Variants in AMOT observed in about 807,000 individuals in gnomAD.
The protein encoded by AMOT is angiomotin.
In AMOT, 11 loss-of-function variants were observed where a neutral mutation model predicts 67.0. That is an observed-to-expected ratio of 0.16 (90% CI 0.10 to 0.27). AMOT has a LOEUF of 0.27. AMOT is among the 10% of genes least tolerant of loss of function. The pLI is 1.00. For missense variants in AMOT, 753 were observed against 852.0 expected, an observed-to-expected ratio of 0.88 and a Z score of 1.45; for synonymous variants, 326 against 321.4, an observed-to-expected ratio of 1.01 and a Z score of -0.15.
At chrX:112,824,021 C>A (rs1934779326) in intron 3 of AMOT, among the ~76,000 whole-genome samples, 1 of 112,139 alleles carries the variant, frequency 8.9e-6, no homozygotes, top group Admixed American at 9.4e-5. Flanking sequence ...AGCATATCCC[C>A]TCCCTCACCA....
chrX:112,803,567 G>A (rs958448748), intron 8 of AMOT, among the ~76,000 whole-genome samples: 2 of 112,106 alleles, frequency 1.8e-5, no homozygotes, highest in African/African-American at 6.5e-5. Flanking sequence ...ATACTACCTG[G>A]AGTTGATATT....
intron 7 of AMOT, among the ~76,000 whole-genome samples, chrX:112,805,932 T>C (rs1934166240): frequency 1.8e-5 from 2 of 111,755 alleles, no homozygotes; most frequent in Non-Finnish European, 3.8e-5. Flanking sequence ...TTTCTCCCTT[T>C]AAGCCTATTA....
rs962615622 is a variant in AMOT, at chrX:112,810,149, C to T, written c.1538-163G>A. Reference sequence around the variant, plus strand: ...TGCAAATGTGAATCCCAAAATAATACTAGACCATGGCCGGGGAGGAGGAGG... The same window carrying T: ...TGCAAATGTGAATCCCAAAATAATATTAGACCATGGCCGGGGAGGAGGAGG... On this transcript the variant is annotated intron_variant, in intron 6 of 13. Transcript: ENST00000371959. Among the ~76,000 whole-genome samples the T allele has an allele frequency of 2.7e-5, 3 of 111,805 alleles. No individual in the cohort carries two copies. The Admixed American group carries it at 2.8e-4, about 11-fold the overall frequency.
chrX:112,822,612 C>T lies in AMOT; in HGVS notation c.515G>A (p.Arg172His). ...CTGCATTAGTCGTTCACTCAAGGAA[C>T]GGACATGCCCTTGCTTAAGGTCTCT... ...GLRDLKQGHV[R>H]SLSERLMQMS... Residue 172 changes from arginine to histidine, a missense_variant, in exon 4 of 14, where the codon CGT (arginine) becomes CAT (histidine). Coordinates refer to ENST00000371959, the MANE Select transcript of AMOT (RefSeq NM_001113490.2). 8.6e-7 allele frequency: 1 copy of T among 1,167,266 alleles called. No homozygotes were observed. The highest frequency in any genetic ancestry group is 1.1e-6 in the Non-Finnish European group (1 of 873,005).
At chrX:112,832,256 A>C (rs755145453) in intron 2 of AMOT, 38 bp downstream of exon 2, 13 of 111,928 alleles carry the variant, frequency 1.2e-4, no homozygotes, top group Non-Finnish European at 2.4e-4. Flanking sequence ...AAAACAAAGA[A>C]AGACATGGAA....
chrX:112,804,888 G>A, intron 8 of AMOT, 59 bp downstream of exon 8: 1 of 1,176,503 alleles, frequency 8.5e-7, no homozygotes, highest in Non-Finnish European at 1.2e-6. Context: ...GGAGCCCAGT[G>A]TCCCCGATTT....
intron 8 of AMOT, among the ~76,000 whole-genome samples, chrX:112,799,896 T>C (rs956114336): frequency 2.7e-5 from 3 of 111,798 alleles, no homozygotes; most frequent in African/African-American, 9.8e-5. Context: ...GGGGTAGACA[T>C]AATTTCTTTC....
At chrX:112,796,167 C>T (rs922515025) in intron 8 of AMOT, among the ~76,000 whole-genome samples, 4 of 111,737 alleles carry the variant, frequency 3.6e-5, no homozygotes, top group Admixed American at 9.5e-5. Context: ...CTCAGCCAAA[C>T]GGGGTCCTAA....
intron 10 of AMOT, among the ~76,000 whole-genome samples, chrX:112,783,167 C>T (rs1192362911): frequency 5.5e-5 from 6 of 109,051 alleles, no homozygotes; most frequent in African/African-American, 1.0e-4. Flanking sequence ...TGGTGGTGCA[C>T]GCCTGTAATC....
At chrX:112,805,336 G>A (rs1602787619) in intron 7 of AMOT, among the ~76,000 whole-genome samples, 1 of 104,870 alleles carries the variant, frequency 9.5e-6, no homozygotes, top group African/African-American at 3.5e-5. Flanking sequence ...TAGTTGTAAC[G>A]TGTTCCAAAA....
At chrX:112,837,608 G>A (rs890898861) in intron 1 of AMOT, among the ~76,000 whole-genome samples, 5 of 110,383 alleles carry the variant, frequency 4.5e-5, no homozygotes, top group Non-Finnish European at 7.6e-5. Context: ...CCATGGAGGA[G>A]AGTAATGCAG....
In AMOT at chrX:112,777,637, C is replaced by T. The variant is rs1011102575; in HGVS notation, c.*930G>A. On this transcript the variant is annotated 3_prime_UTR_variant, in exon 14 of 14. Coordinates refer to ENST00000371959, the MANE Select transcript of AMOT (RefSeq NM_001113490.2). ...TGGCAATTTGAGACTGGAGACCCAG[C>T]CAGTGAATCTGTGCTGTAGAAGAAA... is the stretch of plus-strand genomic sequence containing the variant. 2.7e-5 allele frequency: 3 copies of T among 111,957 alleles called. No individual in the cohort carries two copies. The highest frequency in any genetic ancestry group is 9.7e-5 in the African/African-American group (3 of 30,785). 9.2% of individuals were successfully genotyped at this position (111,957 alleles called of 1,213,427 possible). A position where few individuals can be genotyped will look rare whatever the true frequency, so the allele number is the denominator to read the frequency against.
intron 9 of AMOT, 130 bp from the exon 10 acceptor site, chrX:112,790,912 G>C: frequency 1.7e-6 from 1 of 598,295 alleles, no homozygotes; most frequent in Non-Finnish European, 2.3e-6. Context: ...GAAGCAGGGG[G>C]AATTCAGATC....
In AMOT at chrX:112,790,790, G is replaced by T. The variant is rs758783288; in HGVS notation, c.1927-8C>A. ...CTGACAGTTGCCCTGACGCTGTTGG[G>T]GCAGATGCAGAGAACCCTCAAGTTA... On this transcript the variant is annotated splice_region_variant and splice_polypyrimidine_tract_variant and intron_variant, in intron 9 of 13. Coordinates refer to ENST00000371959, the MANE Select transcript of AMOT (RefSeq NM_001113490.2). 2.6e-6 allele frequency: 3 copies of T among 1,158,873 alleles called. No homozygotes were observed. In the East Asian group the frequency reaches 9.3e-5, roughly 36 times the overall value.
chrX:112,816,199 A>G (rs1310264082), intron 4 of AMOT, among the ~76,000 whole-genome samples: 1 of 111,827 alleles, frequency 8.9e-6, no homozygotes, highest in Non-Finnish European at 1.9e-5. Flanking sequence ...GCTCAAGTCT[A>G]AACATTTCAA....
At chrX:112,820,498 C>T (rs1934685916) in intron 4 of AMOT, among the ~76,000 whole-genome samples, 1 of 111,597 alleles carries the variant, frequency 9.0e-6, no homozygotes, top group African/African-American at 3.3e-5. Context: ...GCTTCAAACA[C>T]TGTGGGAGTC....
intron 1 of AMOT, among the ~76,000 whole-genome samples, chrX:112,838,141 A>T (rs962342794): frequency 2.7e-5 from 3 of 111,426 alleles, no homozygotes; most frequent in Admixed American, 9.6e-5. Flanking sequence ...ATTCCTCCTC[A>T]TTGGTAACAA....
intron 9 of AMOT, among the ~76,000 whole-genome samples, chrX:112,791,486 C>T (rs1933587912): frequency 8.9e-6 from 1 of 112,362 alleles, no homozygotes; most frequent in African/African-American, 3.2e-5. Flanking sequence ...AAAAGTGGTA[C>T]AGCCAGATGA....
At position 112,781,036 on chromosome X, in the gene AMOT, T is replaced by C. The variant is rs374222593; in HGVS notation, c.2323A>G (p.Lys775Glu). 1 of 1,210,622 alleles carries C rather than the reference T, an allele frequency of 8.3e-7. No individual in the cohort carries two copies. Among genetic ancestry groups the C allele is most frequent in the African/African-American group, 1.7e-5 (1 of 57,338 alleles). Residue 775 changes from lysine (K) to glutamate (E), a missense_variant, in exon 12 of 14, where the codon AAG (lysine) becomes GAG (glutamate). Physicochemically the swap from Lys to Glu is moderately conservative, Grantham distance 56. This residue lies in a region of AMOT where 269 missense variants were observed against 300.9 expected (regional missense o/e 0.89). Coordinates refer to ENST00000371959, the MANE Select transcript of AMOT (RefSeq NM_001113490.2). ...CGCATGCACGACAGCTGCTCTGTCT[T>C]GCTCGGCTCCTTCCGGGAACGCTGC... is the stretch of plus-strand genomic sequence containing the variant. The part of the protein sequence containing the change: ...LQQRSRKEPS[K>E]TEQLSCMRPA...
Sources: allele counts gnomAD v4.1 joint callset (sites outside exome capture counted in the v4.1 genomes callset), GRCh38; gene constraint gnomAD v4.1.1; regional missense constraint gnomAD v4.1.1; transcripts MANE v1.5; gene names NCBI Gene and HGNC (gene_info 2026-07-23, HGNC 2026-07-21).